The following FUT9 variants were observed in gnomAD, a reference collection of about 807,000 sequenced individuals.
FUT9 encodes 4-galactosyl-N-acetylglucosaminide 3-alpha-L-fucosyltransferase 9.
In FUT9, 15 loss-of-function variants were observed where a neutral mutation model predicts 29.7. The ratio of observed to expected loss-of-function variants is 0.51; its 90% CI spans 0.34 to 0.78. FUT9 has a LOEUF of 0.78. Ranked by LOEUF, FUT9 falls within the 30% of genes least tolerant of loss-of-function variation. The probability of loss-of-function intolerance (pLI) is 0.01; values close to 1 mark genes in which losing one functional copy is unlikely to be tolerated. For synonymous variants in FUT9, 169 were observed against 153.7 expected, an observed-to-expected ratio of 1.10 and a Z score of -0.74; for missense variants, 319 against 425.4, an observed-to-expected ratio of 0.75 and a Z score of 2.20.
chr6:96,081,205 A>G (rs890785765), intron 1 of FUT9, among the ~76,000 whole-genome samples: 3 of 151,908 alleles, frequency 2.0e-5, no homozygotes, highest in Non-Finnish European at 4.4e-5. Flanking sequence ...AAATAAAACA[A>G]TATCAATAAT....
chr6:96,193,510 C>T (rs1773560451), intron 2 of FUT9, among the ~76,000 whole-genome samples: 2 of 151,544 alleles, frequency 1.3e-5, no homozygotes, highest in African/African-American at 2.4e-5. Context: ...GAGATACCAT[C>T]TCACACCAGT....
At chr6:96,016,941 C>T (rs1223718236) in intron 1 of FUT9, among the ~76,000 whole-genome samples, 1 of 152,156 alleles carries the variant, frequency 6.6e-6, no homozygotes, top group Non-Finnish European at 1.5e-5. Context: ...TGTTTTAAAG[C>T]GCAGAACTAT....
chr6:96,047,175 T>A (rs182315010), intron 1 of FUT9, among the ~76,000 whole-genome samples: 2 of 152,268 alleles, frequency 1.3e-5, no homozygotes, highest in African/African-American at 4.8e-5. Context: ...TGTCACCGAA[T>A]GGAAATGAAA....
intron 2 of FUT9, among the ~76,000 whole-genome samples, chr6:96,172,180 A>T (rs1036161090): frequency 6.6e-6 from 1 of 152,088 alleles, no homozygotes; most frequent in Non-Finnish European, 1.5e-5. Context: ...TTTATGGGAG[A>T]GGGGGCTTCA....
At chr6:96,184,105 T>G (rs565053789) in intron 2 of FUT9, among the ~76,000 whole-genome samples, 75 of 152,044 alleles carry the variant, frequency 4.9e-4, no homozygotes, top group African/African-American at 1.8e-3. Flanking sequence ...AATTTTTTAT[T>G]ATTACCATTT....
At chr6:96,089,199 C>T (rs1026263172) in intron 1 of FUT9, among the ~76,000 whole-genome samples, 6 of 152,184 alleles carry the variant, frequency 3.9e-5, no homozygotes, top group Non-Finnish European at 8.8e-5. Context: ...TTCATACACA[C>T]ATTTGCTGAT....
At chr6:96,194,132 A>C (rs150610277) in intron 2 of FUT9, among the ~76,000 whole-genome samples, 1 of 152,316 alleles carries the variant, frequency 6.6e-6, no homozygotes, top group Non-Finnish European at 1.5e-5. Context: ...CAGCACACCA[A>C]CATGGCACAT....
At chr6:96,150,859 G>T (rs960603421) in intron 2 of FUT9, among the ~76,000 whole-genome samples, 1 of 152,220 alleles carries the variant, frequency 6.6e-6, no homozygotes. Context: ...TAGGACTGGG[G>T]GTAAGGGCAA....
At chr6:96,196,329 G>A (rs1773623979) in intron 2 of FUT9, among the ~76,000 whole-genome samples, 1 of 152,154 alleles carries the variant, frequency 6.6e-6, no homozygotes, top group Non-Finnish European at 1.5e-5. Context: ...AAGACTTAAG[G>A]TGAACTATTC....
intron 2 of FUT9, among the ~76,000 whole-genome samples, chr6:96,190,463 G>C (rs976600358): frequency 1.3e-5 from 2 of 152,116 alleles, no homozygotes; most frequent in African/African-American, 4.8e-5. Flanking sequence ...TGCCTTGCTA[G>C]GTTGGGGAAG....
chr6:96,017,236 T>A (rs1335577344), intron 1 of FUT9, among the ~76,000 whole-genome samples: 1 of 152,216 alleles, frequency 6.6e-6, no homozygotes, highest in Admixed American at 6.5e-5. Flanking sequence ...TTAGGTGTAG[T>A]GGCTAAAAGA....
At chr6:96,078,481 C>T (rs1771180309) in intron 1 of FUT9, among the ~76,000 whole-genome samples, 1 of 118,366 alleles carries the variant, frequency 8.4e-6, no homozygotes, top group Non-Finnish European at 1.6e-5. Context: ...AGTGCAGTGG[C>T]GCGATCTTGG....
At chr6:96,101,355 A>G (rs1771582287) in intron 1 of FUT9, among the ~76,000 whole-genome samples, 1 of 152,042 alleles carries the variant, frequency 6.6e-6, no homozygotes, top group African/African-American at 2.4e-5. Flanking sequence ...CCTGGCCAAC[A>G]TGATGAAACC....
intron 2 of FUT9, among the ~76,000 whole-genome samples, chr6:96,158,895 T>C (rs936868126): frequency 6.6e-6 from 1 of 152,110 alleles, no homozygotes; most frequent in Admixed American, 6.6e-5. Context: ...GTCCGTGTTG[T>C]TGATGGGATT....
chr6:96,143,881 C>T (rs1320461243), intron 2 of FUT9, among the ~76,000 whole-genome samples: 1 of 150,874 alleles, frequency 6.6e-6, no homozygotes, highest in Non-Finnish European at 1.5e-5. Context: ...AGCAGATTGC[C>T]CTTGCTTATT....
intron 2 of FUT9, among the ~76,000 whole-genome samples, chr6:96,117,737 C>T (rs181431620): frequency 6.6e-6 from 1 of 152,264 alleles, no homozygotes; most frequent in African/African-American, 2.4e-5. Context: ...GAAGTCTACA[C>T]GATATGGAAA....
At chr6:96,165,323 C>T (rs533929682) in intron 2 of FUT9, among the ~76,000 whole-genome samples, 1 of 151,336 alleles carries the variant, frequency 6.6e-6, no homozygotes, top group African/African-American at 2.4e-5. Context: ...CCCAGCTATT[C>T]GGGAGGCTGA....
intron 2 of FUT9, among the ~76,000 whole-genome samples, chr6:96,202,603 G>T (rs547270031): frequency 5.3e-4 from 80 of 152,172 alleles, no homozygotes; most frequent in African/African-American, 1.8e-3. Context: ...TTTACCAGAT[G>T]ATTATACTAA....
intron 2 of FUT9, among the ~76,000 whole-genome samples, chr6:96,199,424 G>T (rs1773689225): frequency 6.6e-6 from 1 of 152,042 alleles, no homozygotes; most frequent in East Asian, 1.9e-4. Context: ...TGAGGGGAGG[G>T]GGTGAGCAGA....
Sources: gnomAD v4.1 joint callset for allele counts (sites outside exome capture counted in the v4.1 genomes callset) on GRCh38, gnomAD v4.1.1 for gene constraint, MANE v1.5 for transcripts, NCBI Gene and HGNC (gene_info 2026-07-23, HGNC 2026-07-21) for gene names.